Variants in FKBP5 observed in about 807,000 individuals in gnomAD.
FKBP5 encodes the protein FKBP prolyl isomerase 5, also known as peptidyl-prolyl cis-trans isomerase FKBP5.
A neutral mutation model predicts 50.5 loss-of-function variants in FKBP5; 23 were observed. The ratio of observed to expected loss-of-function variants is 0.46; its 90% CI spans 0.33 to 0.65. The LOEUF is 0.65. FKBP5 is among the 30% of genes least tolerant of loss of function. The pLI is 0.02. For missense variants in FKBP5, 411 were observed against 553.1 expected, an observed-to-expected ratio of 0.74 and a Z score of 2.58; for synonymous variants, 176 against 190.6, an observed-to-expected ratio of 0.92 and a Z score of 0.63.
Position 35,604,577 on chromosome 6 carries a change from ATCT to A in FKBP5, c.509-7176_509-7174del, listed in dbSNP as rs1201053317. ...ATGTAAAGTCTCACAGCTCCATCAG[ATCT>A]CAATATGGGCAGACGTAATCTTTCC... On this transcript the variant is annotated intron_variant, in intron 5 of 10. Coordinates refer to ENST00000357266, the MANE Select transcript of FKBP5 (RefSeq NM_004117.4). 2.1e-3 allele frequency among the ~76,000 whole-genome samples: 324 copies of A among 152,300 alleles called. 1 individual carries two copies. The highest frequency in any genetic ancestry group is 3.4e-3 in the Middle Eastern group (1 of 294).
chr6:35,656,566 G>A (rs1359683597), intron 1 of FKBP5, among the ~76,000 whole-genome samples: 3 of 152,132 alleles, frequency 2.0e-5, no homozygotes, highest in African/African-American at 4.8e-5. Context: ...CTTACATGTG[G>A]TATTAGTTTT....
At chr6:35,696,309 C>T (rs1766080385) in intron 2 of FKBP5, among the ~76,000 whole-genome samples, 1 of 151,496 alleles carries the variant, frequency 6.6e-6, no homozygotes, top group Non-Finnish European at 1.5e-5. Context: ...TGCTTGAGTC[C>T]AGGAGTTCAA....
intron 8 of FKBP5, chr6:35,582,733 A>C: frequency 1.1e-6 from 1 of 908,610 alleles, no homozygotes; most frequent in African/African-American, 1.8e-5. Flanking sequence ...TGGATGCTAC[A>C]AAAAAAAAAG....
At chr6:35,592,701 G>A (rs1010414867) in intron 6 of FKBP5, among the ~76,000 whole-genome samples, 12 of 152,196 alleles carry the variant, frequency 7.9e-5, no homozygotes, top group Non-Finnish European at 1.6e-4. Flanking sequence ...ATTTGCCTTA[G>A]ACCAGCAGAT....
At chr6:35,582,850 C>T (rs1762477580) in intron 8 of FKBP5, 2 of 981,914 alleles carry the variant, frequency 2.0e-6, no homozygotes, top group East Asian at 1.1e-4. Context: ...TTGGAATATT[C>T]AGGGTTTAGC....
At chr6:35,671,249 G>C (rs1765379053) in intron 1 of FKBP5, among the ~76,000 whole-genome samples, 1 of 150,430 alleles carries the variant, frequency 6.6e-6, no homozygotes, top group African/African-American at 2.4e-5. Flanking sequence ...GGGTAAGAGA[G>C]TGCAATCCTG....
rs1581805938 is a variant in FKBP5, at chr6:35,604,930, G to A, written c.509-7526C>T. Among the ~76,000 whole-genome samples, 3 of 151,866 alleles carry A rather than the reference G, an allele frequency of 2.0e-5. No homozygotes were observed. In the South Asian group the frequency reaches 6.2e-4, roughly 32 times the overall value. ...CTCCCAAGTAGCTGGGACTACAGGC[G>A]CCCGCCACCATGCCCAGCTAATTTT... is the stretch of plus-strand genomic sequence containing the variant. On this transcript the variant is annotated intron_variant, in intron 5 of 10. Coordinates refer to ENST00000357266, the MANE Select transcript of FKBP5 (RefSeq NM_004117.4).
intron 6 of FKBP5, among the ~76,000 whole-genome samples, chr6:35,595,226 A>G (rs1762952303): frequency 6.6e-6 from 1 of 152,224 alleles, no homozygotes; most frequent in Non-Finnish European, 1.5e-5. Flanking sequence ...AAAAATTTAA[A>G]GACAATTTCT....
At chr6:35,646,176 A>G (rs1224161199) in intron 1 of FKBP5, among the ~76,000 whole-genome samples, 1 of 152,234 alleles carries the variant, frequency 6.6e-6, no homozygotes, top group Non-Finnish European at 1.5e-5. Context: ...GCTATTTTGA[A>G]AACAATGGCT....
At position 35,635,026 on chromosome 6, in the gene FKBP5, CAAAAAAA is replaced by C. The variant is rs35794477; in HGVS notation, c.250+1981_250+1987del. Among the ~76,000 whole-genome samples, 135 of 75,122 alleles carry C rather than the reference CAAAAAAA, an allele frequency of 1.8e-3. 1 individual carries two copies. Among genetic ancestry groups the C allele is most frequent in the African/African-American group, 6.8e-3 (125 of 18,340 alleles). The allele number at this position is 75,122 out of a possible 152,430, so 49.3% of individuals were successfully genotyped here. A position where few individuals can be genotyped will look rare whatever the true frequency, so the allele number is the denominator to read the frequency against. On this transcript the variant is annotated intron_variant, in intron 3 of 10. Transcript: ENST00000357266. ...GCAACATGGTGAAACCCTGTCTCTA[CAAAAAAA>C]AAAAAAAAAAAAAAATTAGGCTGGG...
chr6:35,596,566 T>C (rs553419728), intron 6 of FKBP5, among the ~76,000 whole-genome samples: 1 of 152,104 alleles, frequency 6.6e-6, no homozygotes, highest in Non-Finnish European at 1.5e-5. Context: ...TGCACTCTCA[T>C]GCAGACAAAA....
chr6:35,653,566 T>C (rs370222094), intron 1 of FKBP5, among the ~76,000 whole-genome samples: 9 of 152,218 alleles, frequency 5.9e-5, no homozygotes, highest in African/African-American at 2.2e-4. Context: ...TTGAGTGTCA[T>C]CGCTTAGGAA....
At chr6:35,628,787 C>T (rs937225581) in intron 3 of FKBP5, among the ~76,000 whole-genome samples, 1 of 150,924 alleles carries the variant, frequency 6.6e-6, no homozygotes, top group African/African-American at 2.4e-5. Flanking sequence ...GGCACAATCT[C>T]GGCTTACTGC....
At position 35,585,294 on chromosome 6, in the gene FKBP5, A is replaced by G. The variant is rs1762565505; in HGVS notation, c.840+1740T>C. The stretch of plus-strand genomic sequence containing the variant: ...ATTTTGTAGAAACATTTTTCCCTCT[A>G]GTGTATTATGTATTTGGATATACAA... On this transcript the variant is annotated intron_variant, in intron 8 of 10. Transcript: ENST00000357266. The G allele has an allele frequency of 5.1e-6, 5 of 980,916 alleles. No individual in the cohort carries two copies. In the South Asian group the frequency reaches 2.4e-4, roughly 46 times the overall value. 60.8% of individuals were successfully genotyped at this position (980,916 alleles called of 1,614,324 possible).
At chr6:35,585,071 G>A (rs1234675035) in intron 8 of FKBP5, 5 of 985,142 alleles carry the variant, frequency 5.1e-6, no homozygotes, top group East Asian at 1.1e-4. Flanking sequence ...TCATAGCACC[G>A]ATTAGAGCCT....
chr6:35,717,063 A>G (rs2766532), intron 2 of FKBP5, among the ~76,000 whole-genome samples: 40,632 of 151,136 alleles, frequency 0.27, 5,478 homozygotes, highest in South Asian at 0.34. Context: ...TCCTTACCCC[A>G]CCCCCCGCCA....
chr6:35,710,466 C>CA (rs367666509), intron 2 of FKBP5, among the ~76,000 whole-genome samples: 2,351 of 136,658 alleles, frequency 0.017, 63 homozygotes, highest in African/African-American at 0.055. Context: ...GATCTTGTCT[C>CA]AAAAAAAAAA....
chr6:35,650,299 CAAAAAAAAA>C (rs34190034), intron 1 of FKBP5, among the ~76,000 whole-genome samples: 2 of 99,910 alleles, frequency 2.0e-5, no homozygotes, highest in African/African-American at 3.8e-5. Context: ...AGATATTGTC[CAAAAAAAAA>C]AAAAAAAAGG....
chr6:35,634,542 G>GAT (rs1284525589), intron 3 of FKBP5, among the ~76,000 whole-genome samples: 1 of 152,132 alleles, frequency 6.6e-6, no homozygotes, highest in Non-Finnish European at 1.5e-5. Flanking sequence ...GCACACAAAT[G>GAT]ATACAGGAAG....
Sources: gnomAD v4.1 joint callset for allele counts (sites outside exome capture counted in the v4.1 genomes callset) on GRCh38, gnomAD v4.1.1 for gene constraint, MANE v1.5 for transcripts, NCBI Gene and HGNC (gene_info 2026-07-23, HGNC 2026-07-21) for gene names.